MPIG6B: variants seen among roughly 807,000 people sequenced by gnomAD.
The protein encoded by MPIG6B is immunoglobulin receptor.
In MPIG6B, 22 loss-of-function variants were observed where a neutral mutation model predicts 24.2. The ratio of observed to expected loss-of-function variants is 0.91; its 90% CI spans 0.65 to 1.30. MPIG6B has a LOEUF of 1.30. Among genes scored for constraint, MPIG6B ranks in the 50% most tolerant of loss-of-function variants. The pLI, the probability that MPIG6B is intolerant of heterozygous loss-of-function variation, is 0.00. For missense variants in MPIG6B, 301 were observed against 318.5 expected, an observed-to-expected ratio of 0.94 and a Z score of 0.42; for synonymous variants, 136 against 142.0, an observed-to-expected ratio of 0.96 and a Z score of 0.30.
chr6:31,724,591 C>CT lies in MPIG6B; in HGVS notation c.506dup (p.Pro170AlafsTer10). 6.2e-7 allele frequency: 1 copy of CT among 1,613,776 alleles called. No homozygotes were observed. Among genetic ancestry groups the CT allele is most frequent in the Non-Finnish European group, 8.5e-7 (1 of 1,179,624 alleles). Reference sequence around the variant, plus strand: ...AGACTCATATGTCCCTTACAGGCGCCTGCCCCCGCAACCGATTCGACCACT... The same window carrying CT: ...AGACTCATATGTCCCTTACAGGCGCCTTGCCCCCGCAACCGATTCGACCACT... On this transcript the variant is annotated frameshift_variant, in exon 4 of 6. Coordinates refer to ENST00000649779, the MANE Select transcript of MPIG6B (RefSeq NM_138272.3). LOFTEE classifies it high-confidence loss of function.
Position 31,725,334 on chromosome 6 carries a change from T to TC in MPIG6B, c.*260_*261insC. Reference sequence around the variant, plus strand: ...TACCCAATCAAGCCCTAGCTCCTTTTTTTTTTTTTTTTGAGACGGAGTCTC... The same window carrying TC: ...TACCCAATCAAGCCCTAGCTCCTTTTCTTTTTTTTTTTTGAGACGGAGTCTC... On this transcript the variant is annotated 3_prime_UTR_variant, in exon 6 of 6. Transcript: ENST00000649779. The surrounding 1 kb of genome is among the most constrained non-coding windows in gnomAD (Gnocchi z 5.2). 2.5e-6 allele frequency: 1 copy of TC among 394,842 alleles called. No individual in the cohort carries two copies. Among genetic ancestry groups the TC allele is most frequent in the East Asian group, 4.2e-5 (1 of 23,962 alleles). 24.5% of individuals were successfully genotyped at this position (394,842 alleles called of 1,614,324 possible). A position where few individuals can be genotyped will look rare whatever the true frequency, so the allele number is the denominator to read the frequency against.
Position 31,724,181 on chromosome 6 carries a change from C to T in MPIG6B, c.449C>T (p.Ala150Val). ...CAGCTCCTGATCCCGCTGCTGGGCG[C>T]TGGGTTGGTGCTCGGACTGGGAGCT... ...YPQLLIPLLG[A>V]GLVLGLGALG... is the part of the protein sequence containing the mutation. Residue 150 changes from alanine (A) to valine (V), a missense_variant, in exon 3 of 6, where the codon GCT (alanine) becomes GTT (valine). Physicochemically the swap from Ala to Val is moderately conservative, Grantham distance 64. Transcript: ENST00000649779. 6.2e-7 allele frequency: 1 copy of T among 1,613,386 alleles called. No homozygotes were observed. Among genetic ancestry groups the T allele is most frequent in the Non-Finnish European group, 8.5e-7 (1 of 1,179,984 alleles).
At position 31,724,246 on chromosome 6, in the gene MPIG6B, A is replaced by T; in HGVS notation, c.500+14A>T. On this transcript the variant is annotated intron_variant, in intron 3 of 5. Coordinates refer to ENST00000649779, the MANE Select transcript of MPIG6B (RefSeq NM_138272.3). Reference sequence around the variant, plus strand: ...GTGGCTGCACAGGTGAGCAGGAGGGACCCGGCCTCGTTAAATGGGGAGTGA... The same window carrying T: ...GTGGCTGCACAGGTGAGCAGGAGGGTCCCGGCCTCGTTAAATGGGGAGTGA... 2 of 1,606,094 alleles carry T rather than the reference A, an allele frequency of 1.2e-6. No individual in the cohort carries two copies. Among genetic ancestry groups the T allele is most frequent in the South Asian group, 2.2e-5 (2 of 90,308 alleles).
At chr6:31,720,315 A>T, upstream of MPIG6B, 1 of 704,298 alleles carries the variant, frequency 1.4e-6, no homozygotes, top group Non-Finnish European at 2.5e-6. This position sits in a 1 kb window ranked among gnomAD's most constrained non-coding sequence, Gnocchi z 4.9. Flanking sequence ...TAGGTGCTCC[A>T]ACCTGTTTGG....
upstream of MPIG6B, chr6:31,721,808 G>A (rs921178386): frequency 1.0e-5 from 9 of 895,902 alleles, no homozygotes; most frequent in African/African-American, 1.7e-5. Context: ...CCTGCCTCTG[G>A]TAGCCCCTCC....
upstream of MPIG6B, among the ~76,000 whole-genome samples, chr6:31,720,452 C>T (rs188732913): frequency 9.9e-5 from 15 of 152,220 alleles, no homozygotes; most frequent in Admixed American, 9.2e-4. The surrounding 1 kb of genome is among the most constrained non-coding windows in gnomAD (Gnocchi z 4.9). Context: ...CACTCCACCC[C>T]GTTTGGAGGT....
At chr6:31,721,567 A>G (rs1374404047), upstream of MPIG6B, 7 of 1,512,422 alleles carry the variant, frequency 4.6e-6, no homozygotes, top group African/African-American at 8.3e-5. Flanking sequence ...GGAAGTGGGT[A>G]GAGCAGGGTG....
upstream of MPIG6B, chr6:31,721,763 T>A: frequency 6.9e-7 from 1 of 1,456,420 alleles, no homozygotes. Flanking sequence ...TGAGTGGCCT[T>A]TTTGGAATTT....
chr6:31,725,196 T>G lies in MPIG6B; in HGVS notation c.*122T>G. On this transcript the variant is annotated 3_prime_UTR_variant, in exon 6 of 6. Coordinates refer to ENST00000649779, the MANE Select transcript of MPIG6B (RefSeq NM_138272.3). This position sits in a 1 kb window ranked among gnomAD's most constrained non-coding sequence, Gnocchi z 5.2. ...CATGGTATAGAAATAAGTGCTAGAC[T>G]GGGAGTTGGGAGACCTGGGTTCCAG... The G allele has an allele frequency of 1.5e-6, 1 of 677,430 alleles. No homozygotes were observed. Among genetic ancestry groups the G allele is most frequent in the Non-Finnish European group, 2.5e-6 (1 of 394,168 alleles). The allele number at this position is 677,430 out of a possible 1,614,324, so 42.0% of individuals were successfully genotyped here.
upstream of MPIG6B, chr6:31,723,212 G>C: frequency 1.5e-6 from 1 of 657,804 alleles, no homozygotes. The surrounding 1 kb of genome is among the most constrained non-coding windows in gnomAD (Gnocchi z 4.3). Context: ...AAGACTCCGA[G>C]TTTGCCTGCG....
At chr6:31,720,314 C>A, upstream of MPIG6B, 1 of 711,210 alleles carries the variant, frequency 1.4e-6, no homozygotes, top group Non-Finnish European at 2.5e-6. This position sits in a 1 kb window ranked among gnomAD's most constrained non-coding sequence, Gnocchi z 4.9. Flanking sequence ...GTAGGTGCTC[C>A]AACCTGTTTG....
chr6:31,723,254 G>GCCC, upstream of MPIG6B: 2 of 731,924 alleles, frequency 2.7e-6, no homozygotes, highest in Admixed American at 2.1e-5. This position sits in a 1 kb window ranked among gnomAD's most constrained non-coding sequence, Gnocchi z 4.3. Context: ...GCAGCTGGTG[G>GCCC]CCCCGCCCCC....
Position 31,723,632 on chromosome 6 carries a change from C to T in MPIG6B, c.62-7C>T. ...GTGCCCTAACCACAGCCTCCGGCCT[C>T]TCCTAGCTTCTCTGGACGGCCGCCC... On this transcript the variant is annotated splice_polypyrimidine_tract_variant and splice_region_variant and intron_variant, in intron 1 of 5. Coordinates refer to ENST00000649779, the MANE Select transcript of MPIG6B (RefSeq NM_138272.3). This position sits in a 1 kb window ranked among gnomAD's most constrained non-coding sequence, Gnocchi z 4.3. 1 of 1,556,844 alleles carries T rather than the reference C, an allele frequency of 6.4e-7. No homozygotes were observed. Among genetic ancestry groups the T allele is most frequent in the Non-Finnish European group, 8.7e-7 (1 of 1,153,672 alleles).
chr6:31,721,446 T>C (rs1806777702), upstream of MPIG6B, among the ~76,000 whole-genome samples: 1 of 151,448 alleles, frequency 6.6e-6, no homozygotes, highest in Non-Finnish European at 1.5e-5. Flanking sequence ...ACCTGGCTTT[T>C]TGAGAAATAG....
At chr6:31,721,584 T>A (rs1259125973), upstream of MPIG6B, 2 of 1,589,730 alleles carry the variant, frequency 1.3e-6, no homozygotes, top group Non-Finnish European at 8.6e-7. Flanking sequence ...GGTGTAAAGG[T>A]CCTGACCAGG....
At chr6:31,721,878 G>C, upstream of MPIG6B, 1 of 579,840 alleles carries the variant, frequency 1.7e-6, no homozygotes, top group African/African-American at 1.9e-5. Context: ...GCACTGAGCA[G>C]GACTGAGTGG....
upstream of MPIG6B, among the ~76,000 whole-genome samples, chr6:31,720,577 A>G (rs1301221034): frequency 6.6e-6 from 1 of 152,206 alleles, no homozygotes; most frequent in Non-Finnish European, 1.5e-5. The surrounding 1 kb of genome is among the most constrained non-coding windows in gnomAD (Gnocchi z 4.9). Flanking sequence ...GAAACTTGAA[A>G]GAAGGAGAAA....
In MPIG6B at chr6:31,723,552, CAGAACAG is replaced by C; in HGVS notation, c.62-82_62-76del. The C allele has an allele frequency of 2.8e-6, 4 of 1,432,864 alleles. No homozygotes were observed. The highest frequency in any genetic ancestry group is 3.9e-6 in the Non-Finnish European group (4 of 1,037,886). 88.8% of individuals were successfully genotyped at this position (1,432,864 alleles called of 1,614,324 possible). A position where few individuals can be genotyped will look rare whatever the true frequency, so the allele number is the denominator to read the frequency against. ...GGGAAGATCCAGGATGGCTGGAGTG[CAGAACAG>C]AGAAGAGAAAGAGGAGACGGGATGG... On this transcript the variant is annotated intron_variant, in intron 1 of 5. Transcript: ENST00000649779. The surrounding 1 kb of genome is among the most constrained non-coding windows in gnomAD (Gnocchi z 4.3).
At chr6:31,723,172 C>G (rs1245819404), upstream of MPIG6B, 1 of 611,244 alleles carries the variant, frequency 1.6e-6, no homozygotes, top group Non-Finnish European at 2.9e-6. The surrounding 1 kb of genome is among the most constrained non-coding windows in gnomAD (Gnocchi z 4.3). Context: ...GTAAATGGCC[C>G]GAGCACACAT....
Sources: allele counts gnomAD v4.1 joint callset (sites outside exome capture counted in the v4.1 genomes callset), GRCh38; gene constraint gnomAD v4.1.1; non-coding constraint Gnocchi (gnomAD v3.1); transcripts MANE v1.5; gene names NCBI Gene and HGNC (gene_info 2026-07-23, HGNC 2026-07-21).